Variants in CTNNA2 observed in about 807,000 individuals in gnomAD.
The protein encoded by CTNNA2 is catenin alpha-2.
A neutral mutation model predicts 101.0 loss-of-function variants in CTNNA2; 42 were observed. That is an observed-to-expected ratio of 0.42 (90% CI 0.32 to 0.54). CTNNA2 has a LOEUF of 0.54. Ranked by LOEUF, CTNNA2 falls within the 20% of genes least tolerant of loss-of-function variation. The probability of loss-of-function intolerance (pLI) is 0.14; values close to 1 mark genes in which losing one functional copy is unlikely to be tolerated. For missense variants in CTNNA2, 871 were observed against 1,223.1 expected (o/e 0.71, Z 4.29); for synonymous variants, 450 against 456.4 (o/e 0.99, Z 0.18).
intron 3 of CTNNA2, among the ~76,000 whole-genome samples, chr2:79,313,101 A>G (rs944909394): frequency 1.3e-5 from 2 of 152,222 alleles, no homozygotes; most frequent in African/African-American, 4.8e-5. Flanking sequence ...AATCTGCTAT[A>G]AAACATCCTC....
intron 18 of CTNNA2, among the ~76,000 whole-genome samples, chr2:80,633,750 A>C (rs1009583686): frequency 2.6e-5 from 4 of 152,190 alleles, no homozygotes; most frequent in Non-Finnish European, 4.4e-5. Flanking sequence ...TATGAAGATT[A>C]ATTTATTAAG....
intron 7 of CTNNA2, among the ~76,000 whole-genome samples, chr2:80,110,235 G>T (rs2148859501): frequency 6.6e-6 from 1 of 152,266 alleles, no homozygotes; most frequent in South Asian, 2.1e-4. Flanking sequence ...AGGTCTAGAG[G>T]AAACAATCAT....
At chr2:79,876,007 C>T (rs1682996388) in intron 6 of CTNNA2, among the ~76,000 whole-genome samples, 1 of 151,764 alleles carries the variant, frequency 6.6e-6, no homozygotes, top group Non-Finnish European at 1.5e-5. Flanking sequence ...CTTATATCTG[C>T]TAGAAATAAG....
chr2:79,338,274 T>C (rs1278356892), intron 3 of CTNNA2, among the ~76,000 whole-genome samples: 1 of 137,526 alleles, frequency 7.3e-6, no homozygotes, highest in Non-Finnish European at 1.6e-5. Flanking sequence ...GTCAGGCAAC[T>C]GGGTTACAAG....
At chr2:79,719,615 T>G (rs1182391626) in intron 2 of CTNNA2, among the ~76,000 whole-genome samples, 1 of 152,200 alleles carries the variant, frequency 6.6e-6, no homozygotes, top group African/African-American at 2.4e-5. Context: ...TGTTATCTCA[T>G]TATGGTGTTG....
chr2:79,662,037 A>C (rs1442427592), intron 2 of CTNNA2, among the ~76,000 whole-genome samples: 3 of 151,540 alleles, frequency 2.0e-5, no homozygotes, highest in African/African-American at 7.3e-5. Flanking sequence ...AGAAGGGAAG[A>C]GCTACCAACA....
chr2:80,570,554 ATGTCT>A (rs1365572035), intron 12 of CTNNA2, among the ~76,000 whole-genome samples: 2 of 152,192 alleles, frequency 1.3e-5, no homozygotes, highest in Non-Finnish European at 1.5e-5. Context: ...AAAAAAATAG[ATGTCT>A]TGTCAGTTAC....
At chr2:79,501,286 A>G (rs969129813) in intron 4 of CTNNA2, among the ~76,000 whole-genome samples, 8 of 152,022 alleles carry the variant, frequency 5.3e-5, no homozygotes, top group African/African-American at 1.9e-4. Context: ...CTGTTTATTT[A>G]TTTATTTGTT....
intron 8 of CTNNA2, among the ~76,000 whole-genome samples, chr2:80,419,156 A>C (rs75956782): frequency 0.018 from 2,737 of 152,248 alleles, 81 homozygotes; most frequent in African/African-American, 0.061. Flanking sequence ...AACATCCAGA[A>C]GGTTCGGGTC....
chr2:79,205,709 T>C (rs949843181), intron 2 of CTNNA2, among the ~76,000 whole-genome samples: 1 of 152,198 alleles, frequency 6.6e-6, no homozygotes, highest in Non-Finnish European at 1.5e-5. Flanking sequence ...AGTGAAACCA[T>C]TTCTCCATTG....
Position 79,832,983 on chromosome 2 carries a change from A to G in CTNNA2, c.299-25030A>G, listed in dbSNP as rs111797782. Among the ~76,000 whole-genome samples the G allele has an allele frequency of 4.7e-3, 720 of 152,356 alleles. 6 individuals are homozygous for G. Among genetic ancestry groups the G allele is most frequent in the African/African-American group, 0.016 (674 of 41,584 alleles). Reference sequence around the variant, plus strand: ...GTTCTTAGAAAATGAAACTGATTTAAATATTAGCCAACAGTAAAGCTTTAG... The same window carrying G: ...GTTCTTAGAAAATGAAACTGATTTAGATATTAGCCAACAGTAAAGCTTTAG... On this transcript the variant is annotated intron_variant, in intron 3 of 18. Coordinates refer to ENST00000402739, the MANE Select transcript of CTNNA2 (RefSeq NM_001282597.3).
At chr2:80,440,941 G>A (rs777833869) in intron 9 of CTNNA2, among the ~76,000 whole-genome samples, 3 of 152,064 alleles carry the variant, frequency 2.0e-5, no homozygotes, top group African/African-American at 7.2e-5. Context: ...TGGAAGCACC[G>A]GTTTCTCTCC....
intron 2 of CTNNA2, among the ~76,000 whole-genome samples, chr2:79,669,762 ATC>A (rs373320220): frequency 8.5e-4 from 130 of 152,272 alleles, no homozygotes; most frequent in African/African-American, 2.9e-3. Context: ...TGGTCCTGTC[ATC>A]TCTCTGTCCT....
chr2:80,341,331 G>A (rs1672225850), intron 7 of CTNNA2, among the ~76,000 whole-genome samples: 1 of 152,088 alleles, frequency 6.6e-6, no homozygotes, highest in Non-Finnish European at 1.5e-5. Context: ...GCTATCTAGG[G>A]ACTACCAGTC....
chr2:79,731,561 A>C (rs373764798), intron 2 of CTNNA2, among the ~76,000 whole-genome samples: 1 of 152,074 alleles, frequency 6.6e-6, no homozygotes, highest in Non-Finnish European at 1.5e-5. Context: ...GTTCGCTTAC[A>C]TGTTGGGTTT....
intron 2 of CTNNA2, among the ~76,000 whole-genome samples, chr2:79,689,409 A>G (rs1684144253): frequency 6.6e-6 from 1 of 151,998 alleles, no homozygotes; most frequent in Non-Finnish European, 1.5e-5. Context: ...CAGACATCAC[A>G]AGGACTGAAG....
chr2:80,406,826 CA>C (rs56793591), intron 8 of CTNNA2, among the ~76,000 whole-genome samples: 15,237 of 63,822 alleles, frequency 0.24, 473 homozygotes, highest in South Asian at 0.3. Context: ...GACTCCATCT[CA>C]AAAAAAAAAA....
intron 2 of CTNNA2, among the ~76,000 whole-genome samples, chr2:79,223,170 G>C (rs1164780387): frequency 6.6e-6 from 1 of 151,792 alleles, no homozygotes; most frequent in Non-Finnish European, 1.5e-5. Context: ...TAAAATAAAT[G>C]AATAAATAAT....
At chr2:79,952,306 C>A (rs1047609070) in intron 7 of CTNNA2, among the ~76,000 whole-genome samples, 3 of 152,034 alleles carry the variant, frequency 2.0e-5, no homozygotes, top group African/African-American at 7.2e-5. Flanking sequence ...CCAGTCCAAA[C>A]CCAAATAAAC....
Sources: gnomAD v4.1 joint callset for allele counts (sites outside exome capture counted in the v4.1 genomes callset) on GRCh38, gnomAD v4.1.1 for gene constraint, MANE v1.5 for transcripts, NCBI Gene and HGNC (gene_info 2026-07-23, HGNC 2026-07-21) for gene names.